The following DOCK2 variants were observed in gnomAD, a reference collection of about 807,000 sequenced individuals.
DOCK2 encodes dedicator of cytokinesis 2.
A neutral mutation model predicts 248.9 loss-of-function variants in DOCK2; 87 were observed. The ratio of observed to expected loss-of-function variants is 0.35; its 90% CI spans 0.29 to 0.42. The LOEUF (loss-of-function observed/expected upper bound fraction) is 0.42. Ranked by LOEUF, DOCK2 falls within the 10% of genes least tolerant of loss-of-function variation. DOCK2 has a pLI of 1.00. For missense variants in DOCK2, 1,747 were observed against 2,300.2 expected, an observed-to-expected ratio of 0.76 and a Z score of 4.92; for synonymous variants, 805 against 821.6, an observed-to-expected ratio of 0.98 and a Z score of 0.35.
intron 15 of DOCK2, among the ~76,000 whole-genome samples, chr5:169,710,690 T>C (rs934976943): frequency 3.3e-5 from 5 of 152,210 alleles, no homozygotes; most frequent in Admixed American, 3.3e-4. Context: ...GACTTCCTTT[T>C]CAGTGAGAGC....
intron 24 of DOCK2, 78 bp from the exon 25 acceptor site, chr5:169,761,441 G>T: frequency 8.2e-7 from 1 of 1,225,810 alleles, no homozygotes; most frequent in Non-Finnish European, 1.2e-6. Flanking sequence ...TAGAGGTCCA[G>T]GGATGGACTG....
At chr5:169,892,573 T>G (rs1773360016) in intron 27 of DOCK2, among the ~76,000 whole-genome samples, 1 of 152,208 alleles carries the variant, frequency 6.6e-6, no homozygotes, top group Admixed American at 6.5e-5. Context: ...CAGAGGCCTC[T>G]CCGATGGATG....
At chr5:169,977,804 G>C (rs1318384024) in intron 27 of DOCK2, among the ~76,000 whole-genome samples, 1 of 152,178 alleles carries the variant, frequency 6.6e-6, no homozygotes, top group Non-Finnish European at 1.5e-5. Context: ...TGAACTGCCT[G>C]ATAAAGCTCT....
chr5:169,681,827 A>G lies in DOCK2; in HGVS notation c.554A>G (p.His185Arg). The G allele has an allele frequency of 6.2e-7, 1 of 1,614,050 alleles. No homozygotes were observed. The highest frequency in any genetic ancestry group is 8.5e-7 in the Non-Finnish European group (1 of 1,179,944). Residue 185 changes from histidine (H) to arginine (R), a missense_variant, in exon 7 of 52, where the codon CAT becomes CGT. His to Arg is a conservative substitution (Grantham distance 29). Coordinates refer to ENST00000520908, the MANE Select transcript of DOCK2 (RefSeq NM_004946.3). ...PDNTSVISLF[H>R]AHEEATDKIT... ...AATACCAGTGTCATCAGCTTGTTCC[A>G]TGCACATGAGGAAGCAACTGATAAA...
chr5:169,981,386 T>G (rs1777931125), intron 27 of DOCK2, among the ~76,000 whole-genome samples: 1 of 152,214 alleles, frequency 6.6e-6, no homozygotes, highest in East Asian at 1.9e-4. Flanking sequence ...ATACCTGTTT[T>G]TTACAAATTG....
chr5:169,932,788 A>G (rs534219594), intron 27 of DOCK2, among the ~76,000 whole-genome samples: 6 of 152,278 alleles, frequency 3.9e-5, no homozygotes, highest in East Asian at 1.9e-4. Flanking sequence ...TCACCTATGC[A>G]TAGTGTTTAC....
At position 169,714,054 on chromosome 5, in the gene DOCK2, C is replaced by T; in HGVS notation, c.1686C>T (p.Ala562=). Residue 562 remains alanine (A), a synonymous_variant, in exon 18 of 52, where the codon GCC becomes GCT. Coordinates refer to ENST00000520908, the MANE Select transcript of DOCK2 (RefSeq NM_004946.3). The stretch of plus-strand genomic sequence containing the variant: ...GGGACAGCAAGAAGATGGAGGATGC[C>T]AGCGCATACCTGACCCTTCCTTCTT... ...LKGDSKKMED[A]SAYLTLPSYR... is the part of the protein sequence containing the mutation. 2 of 1,607,158 alleles carry T rather than the reference C, an allele frequency of 1.2e-6. No homozygotes were observed. The highest frequency in any genetic ancestry group is 1.7e-6 in the Non-Finnish European group (2 of 1,175,606).
chr5:169,916,610 T>C (rs995379760), intron 27 of DOCK2, among the ~76,000 whole-genome samples: 2 of 152,182 alleles, frequency 1.3e-5, no homozygotes, highest in African/African-American at 4.8e-5. Context: ...CAAGTTAATA[T>C]ATTTAAAGTG....
intron 46 of DOCK2, 56 bp from the exon 47 acceptor site, chr5:170,075,891 C>T: frequency 6.2e-7 from 1 of 1,602,022 alleles, no homozygotes; most frequent in Non-Finnish European, 8.5e-7. Context: ...GGGCGGGGTG[C>T]CAGGCTGAGG....
At chr5:169,976,248 C>T (rs1777713796) in intron 27 of DOCK2, among the ~76,000 whole-genome samples, 1 of 152,162 alleles carries the variant, frequency 6.6e-6, no homozygotes, top group Admixed American at 6.5e-5. Context: ...GAAGACGTGG[C>T]GGGTTTTTAA....
rs529833787 is a variant in DOCK2 at position 170,036,102 on chromosome 5, C to A, written c.3625-413C>A. The stretch of plus-strand genomic sequence containing the variant: ...TCTCTTACTATTACCGAGGTGCTAC[C>A]ACTCACTTTCCAACTCAGGTTCTTT... On this transcript the variant is annotated intron_variant, in intron 35 of 51. Coordinates refer to ENST00000520908, the MANE Select transcript of DOCK2 (RefSeq NM_004946.3). 7.7e-4 allele frequency among the ~76,000 whole-genome samples: 118 copies of A among 152,260 alleles called. 2 individuals carry two copies. The South Asian group carries it at 0.024, about 31-fold the overall frequency.
chr5:169,648,441 G>A (rs996307522), intron 1 of DOCK2, among the ~76,000 whole-genome samples: 2 of 152,116 alleles, frequency 1.3e-5, no homozygotes, highest in South Asian at 2.1e-4. Context: ...TCACTGGCTC[G>A]CTAAAAACTG....
intron 27 of DOCK2, among the ~76,000 whole-genome samples, chr5:169,935,203 A>T (rs1775929489): frequency 6.6e-6 from 1 of 152,200 alleles, no homozygotes; most frequent in Non-Finnish European, 1.5e-5. Flanking sequence ...GCAGCATGCC[A>T]TTGCCGTTTC....
At chr5:170,026,990 G>A (rs180718977) in intron 33 of DOCK2, among the ~76,000 whole-genome samples, 6 of 152,292 alleles carry the variant, frequency 3.9e-5, no homozygotes, top group Admixed American at 3.9e-4. Flanking sequence ...ATGGGAAAGT[G>A]TCAGGTGTGG....
At chr5:169,787,573 T>G (rs1766062363) in intron 25 of DOCK2, among the ~76,000 whole-genome samples, 2 of 152,144 alleles carry the variant, frequency 1.3e-5, no homozygotes, top group Admixed American at 1.3e-4. Context: ...TTTGATAGTC[T>G]AAAAATTTCA....
chr5:169,714,090 T>C lies in DOCK2; in HGVS notation c.1722T>C (p.His574=). The C allele has an allele frequency of 6.2e-7, 1 of 1,613,662 alleles. No homozygotes were observed. The highest frequency in any genetic ancestry group is 8.5e-7 in the Non-Finnish European group (1 of 1,179,750). ...AYLTLPSYRH[H]VENKGATLSR... Reference sequence around the variant, plus strand: ...TGACCCTTCCTTCTTATCGACACCATGTGGAAAACAAGGGGGCCACGCTGA... The same window carrying C: ...TGACCCTTCCTTCTTATCGACACCACGTGGAAAACAAGGGGGCCACGCTGA... Residue 574 remains histidine (H), a synonymous_variant, in exon 18 of 52, where the codon CAT becomes CAC. Transcript: ENST00000520908.
chr5:169,852,024 G>C (rs1299493005), intron 27 of DOCK2, among the ~76,000 whole-genome samples: 5 of 152,198 alleles, frequency 3.3e-5, no homozygotes, highest in Admixed American at 1.3e-4. Context: ...GGAAGCTGGT[G>C]CCAAAGCTGG....
chr5:169,643,599 T>C (rs1757273550), intron 1 of DOCK2, among the ~76,000 whole-genome samples: 1 of 152,158 alleles, frequency 6.6e-6, no homozygotes, highest in South Asian at 2.1e-4. Context: ...CTCAGGCTAA[T>C]GCTGGATTGC....
chr5:169,915,093 A>T (rs896808230), intron 27 of DOCK2, among the ~76,000 whole-genome samples: 3 of 152,228 alleles, frequency 2.0e-5, no homozygotes, highest in African/African-American at 7.2e-5. Flanking sequence ...CTAGGCCTTG[A>T]TGTTGAGGCC....
Sources: allele counts gnomAD v4.1 joint callset (sites outside exome capture counted in the v4.1 genomes callset), GRCh38; gene constraint gnomAD v4.1.1; transcripts MANE v1.5; gene names NCBI Gene and HGNC (gene_info 2026-07-23, HGNC 2026-07-21).